Variants in PTPRN2 observed in about 807,000 individuals in gnomAD.
The protein encoded by PTPRN2 is receptor-type tyrosine-protein phosphatase N2.
In PTPRN2, 74 loss-of-function variants were observed where a neutral mutation model predicts 118.8. The observed-to-expected ratio is 0.62, with a 90% CI of 0.52 to 0.76. The LOEUF is 0.76. PTPRN2 is among the 30% of genes least tolerant of loss of function. PTPRN2 has a pLI of 0.00. For missense variants in PTPRN2, 1,481 were observed against 1,394.4 expected (o/e 1.06, Z -0.99); for synonymous variants, 641 against 608.0 (o/e 1.05, Z -0.80).
chr7:157,990,106 C>T lies in PTPRN2; in HGVS notation c.1723+91192G>A, dbSNP rs151081559. Among the ~76,000 whole-genome samples, 3 of 152,054 alleles carry T rather than the reference C, an allele frequency of 2.0e-5. No individual in the cohort carries two copies. Among genetic ancestry groups the T allele is most frequent in the Non-Finnish European group, 2.9e-5 (2 of 68,020 alleles). Reference sequence around the variant, plus strand: ...AAGAAAAATGCAAGTTGCTCTTCTGCGCTCCAAATACACCGAGACGAAAAC... The same window carrying T: ...AAGAAAAATGCAAGTTGCTCTTCTGTGCTCCAAATACACCGAGACGAAAAC... On this transcript the variant is annotated intron_variant, in intron 11 of 22. Coordinates refer to ENST00000389418, the MANE Select transcript of PTPRN2 (RefSeq NM_002847.5). This position sits in a 1 kb window ranked among gnomAD's most constrained non-coding sequence, Gnocchi z 4.3.
chr7:157,878,210 C>A (rs942371652), intron 12 of PTPRN2, among the ~76,000 whole-genome samples: 8 of 152,272 alleles, frequency 5.3e-5, no homozygotes, highest in Non-Finnish European at 1.2e-4. Flanking sequence ...CACCAGGGAT[C>A]CCCGTGCTGG....
chr7:157,738,009 T>G (rs1256104387), intron 12 of PTPRN2, among the ~76,000 whole-genome samples: 1 of 152,170 alleles, frequency 6.6e-6, no homozygotes, highest in African/African-American at 2.4e-5. Context: ...TTCTCATCCA[T>G]CTCCTGGTGC....
chr7:158,071,173 CTTAGTATGGAGGTGCT>C (rs1811439353), intron 11 of PTPRN2, among the ~76,000 whole-genome samples: 1 of 14,400 alleles, frequency 6.9e-5, no homozygotes, highest in East Asian at 1.6e-3. Context: ...TGGAGGTGCT[CTTAGTATGGAGGTGCT>C]CATGGTGGTG....
At chr7:157,823,536 G>C (rs994668814) in intron 12 of PTPRN2, among the ~76,000 whole-genome samples, 3 of 152,212 alleles carry the variant, frequency 2.0e-5, no homozygotes, top group African/African-American at 7.2e-5. Flanking sequence ...GAGATATCCA[G>C]AATGGAGAGA....
intron 12 of PTPRN2, 102 bp downstream of exon 12, chr7:157,898,571 G>T: frequency 8.2e-7 from 1 of 1,213,652 alleles, no homozygotes; most frequent in Non-Finnish European, 1.2e-6. Flanking sequence ...CAGGACCTTG[G>T]CTGAATTAAC....
chr7:158,152,836 C>T (rs1350886145), intron 6 of PTPRN2, among the ~76,000 whole-genome samples: 1 of 150,610 alleles, frequency 6.6e-6, no homozygotes, highest in African/African-American at 2.5e-5. Flanking sequence ...AAGAGCAGAC[C>T]GACAGACACC....
rs537955548 is a variant in PTPRN2 at position 157,987,402 on chromosome 7, C to T, written c.1724-88665G>A. The stretch of plus-strand genomic sequence containing the variant: ...GTCACTAACGGGGGCAATATGACCC[C>T]TCACTAATGGGGTGATCGGTCACTA... On this transcript the variant is annotated intron_variant, in intron 11 of 22. Coordinates refer to ENST00000389418, the MANE Select transcript of PTPRN2 (RefSeq NM_002847.5). The surrounding 1 kb of genome is among the most constrained non-coding windows in gnomAD (Gnocchi z 4.3). Among the ~76,000 whole-genome samples the T allele has an allele frequency of 2.0e-5, 3 of 151,932 alleles. No individual in the cohort carries two copies. In the South Asian group the frequency reaches 6.3e-4, roughly 32 times the overall value.
Position 158,509,070 on chromosome 7 carries a change from T to C in PTPRN2, c.113-19285A>G, listed in dbSNP as rs1227505225. On this transcript the variant is annotated intron_variant, in intron 1 of 22. Transcript: ENST00000389418. The surrounding 1 kb of genome is among the most constrained non-coding windows in gnomAD (Gnocchi z 4.4). ...GGTGGAGGTGGGTGGTTTCTAAAGA[T>C]AAGAAGGGGAGGAAGAAGATGGGGA... is the stretch of plus-strand genomic sequence containing the variant. Among the ~76,000 whole-genome samples, 1 of 150,968 alleles carries C rather than the reference T, an allele frequency of 6.6e-6. No individual in the cohort carries two copies. The highest frequency in any genetic ancestry group is 1.5e-5 in the Non-Finnish European group (1 of 67,762).
At chr7:158,076,046 G>C (rs937187242) in intron 11 of PTPRN2, among the ~76,000 whole-genome samples, 3 of 152,250 alleles carry the variant, frequency 2.0e-5, no homozygotes, top group African/African-American at 7.2e-5. Flanking sequence ...CTTGAGGAGA[G>C]TGCAGGTCCT....
chr7:158,460,505 ACT>A (rs1439999943), intron 2 of PTPRN2, among the ~76,000 whole-genome samples: 1 of 148,416 alleles, frequency 6.7e-6, no homozygotes, highest in Non-Finnish European at 1.5e-5. Flanking sequence ...GCAGAATGGG[ACT>A]CTATCTACAT....
At chr7:157,793,172 A>G (rs1804631978) in intron 12 of PTPRN2, among the ~76,000 whole-genome samples, 1 of 152,006 alleles carries the variant, frequency 6.6e-6, no homozygotes. Context: ...GGACGGGCTC[A>G]GGCACAGGCA....
chr7:158,586,320 G>C (rs981933942), intron 1 of PTPRN2, among the ~76,000 whole-genome samples: 2 of 152,226 alleles, frequency 1.3e-5, no homozygotes, highest in Admixed American at 6.5e-5. Context: ...GTTCTCTGCA[G>C]TTTTTGTTTG....
At chr7:158,131,167 CATCAT>C (rs1818229941) in intron 9 of PTPRN2, among the ~76,000 whole-genome samples, 1 of 134,640 alleles carries the variant, frequency 7.4e-6, no homozygotes, top group Non-Finnish European at 1.6e-5. Flanking sequence ...CGAAGATGCA[CATCAT>C]ACCAATACAC....
At chr7:158,234,121 T>C (rs553074038) in intron 3 of PTPRN2, among the ~76,000 whole-genome samples, 4 of 151,782 alleles carry the variant, frequency 2.6e-5, no homozygotes, top group Non-Finnish European at 5.9e-5. Context: ...AAAGATAAAA[T>C]GAGATCACAT....
In PTPRN2 at chr7:158,321,339, G is replaced by A. The variant is rs116410580; in HGVS notation, c.164-4407C>T. Among the ~76,000 whole-genome samples, 377 of 152,276 alleles carry A rather than the reference G, an allele frequency of 2.5e-3. 2 individuals carry two copies. Among genetic ancestry groups the A allele is most frequent in the African/African-American group, 8.3e-3 (343 of 41,542 alleles). On this transcript the variant is annotated intron_variant, in intron 2 of 22. Coordinates refer to ENST00000389418, the MANE Select transcript of PTPRN2 (RefSeq NM_002847.5). ...GCGGGACTCCTGCCTTCGTGTTCTT[G>A]GGACACAGCCAGGACCCCACCTGGG...
chr7:158,085,773 G>A (rs1365269310), intron 10 of PTPRN2, among the ~76,000 whole-genome samples: 59 of 124,238 alleles, frequency 4.7e-4, no homozygotes, highest in Middle Eastern at 5.9e-3. Flanking sequence ...CACCCATGAC[G>A]CCCATCCACA....
chr7:158,396,266 G>A (rs769971402), intron 2 of PTPRN2, among the ~76,000 whole-genome samples: 6 of 152,166 alleles, frequency 3.9e-5, no homozygotes, highest in Non-Finnish European at 7.4e-5. Flanking sequence ...CAAAGAAGCC[G>A]TTTAAAACAA....
At position 158,060,483 on chromosome 7, in the gene PTPRN2, G is replaced by C. The variant is rs139956610; in HGVS notation, c.1723+20815C>G. Among the ~76,000 whole-genome samples, 339 of 152,352 alleles carry C rather than the reference G, an allele frequency of 2.2e-3. 2 individuals are homozygous for C. Among genetic ancestry groups the C allele is most frequent in the African/African-American group, 7.5e-3 (312 of 41,578 alleles). On this transcript the variant is annotated intron_variant, in intron 11 of 22. Coordinates refer to ENST00000389418, the MANE Select transcript of PTPRN2 (RefSeq NM_002847.5). ...CTCTGTCTGCGCATGGCCGCTCTCT[G>C]TGTCTGTACCTTCACGAGGTGATCC...
Position 158,337,396 on chromosome 7 carries a change from CTGCAGA to C in PTPRN2, c.164-20470_164-20465del, listed in dbSNP as rs1805847007. Among the ~76,000 whole-genome samples, 3 of 142,650 alleles carry C rather than the reference CTGCAGA, an allele frequency of 2.1e-5. 1 individual carries two copies. The highest frequency in any genetic ancestry group is 3.1e-5 in the Non-Finnish European group (2 of 64,586). The allele number at this position is 142,650 out of a possible 152,430, so 93.6% of individuals were successfully genotyped here. On this transcript the variant is annotated intron_variant, in intron 2 of 22. Transcript: ENST00000389418. ...ACACTCTCACCATAAGAGGTAACAC[CTGCAGA>C]CGTCCCTCACACCCACACTCTCACC... is the stretch of plus-strand genomic sequence containing the variant.
Sources: allele counts gnomAD v4.1 joint callset (sites outside exome capture counted in the v4.1 genomes callset), GRCh38; gene constraint gnomAD v4.1.1; non-coding constraint Gnocchi (gnomAD v3.1); transcripts MANE v1.5; gene names NCBI Gene and HGNC (gene_info 2026-07-23, HGNC 2026-07-21).